The following EVA1A variants were observed in gnomAD, a reference collection of about 807,000 sequenced individuals.
The protein encoded by EVA1A is protein eva-1 homolog A.
EVA1A carries 7 observed loss-of-function variants against 9.8 expected under a neutral mutation model. The ratio of observed to expected loss-of-function variants is 0.71; its 90% CI spans 0.41 to 1.34. The LOEUF (loss-of-function observed/expected upper bound fraction) is 1.34, where lower values mean the gene tolerates loss of function less well. Among genes scored for constraint, EVA1A ranks in the 40% most tolerant of loss-of-function variants. The pLI is 0.01. For synonymous variants in EVA1A, 90 were observed against 85.6 expected (o/e 1.05, Z -0.28); for missense variants, 206 against 205.9 (o/e 1.00, Z 0.00).
chr2:75,539,529 A>G (rs1676036450), intron 1 of EVA1A, among the ~76,000 whole-genome samples: 1 of 152,190 alleles, frequency 6.6e-6, no homozygotes, highest in African/African-American at 2.4e-5. Context: ...AGAAATAGAC[A>G]CTGCTTCAGT....
At chr2:75,513,785 G>C (rs1003076140) in intron 3 of EVA1A, among the ~76,000 whole-genome samples, 6 of 152,200 alleles carry the variant, frequency 3.9e-5, no homozygotes, top group African/African-American at 1.2e-4. Context: ...AAGCCAGACA[G>C]AGAAAGAAAA....
At chr2:75,559,714 A>AGGGGGGGGGGGGGGGGGGGGGGGGGT (rs1676852769) in intron 1 of EVA1A, among the ~76,000 whole-genome samples, 1 of 37,150 alleles carries the variant, frequency 2.7e-5, no homozygotes, top group Non-Finnish European at 5.2e-5. Flanking sequence ...GGGGCGGGGG[A>AGGGGGGGGGGGGGGGGGGGGGGGGGT]GTTGGGGGGA....
chr2:75,550,850 A>G lies in EVA1A; in HGVS notation c.-192+9830T>C, dbSNP rs187760802. On this transcript the variant is annotated intron_variant, in intron 1 of 3. Transcript: ENST00000393913. Reference sequence around the variant, plus strand: ...TATAATATGTGCTGGTCGGGCAGGCACGGTGGCTCACGCCTGTAATCCCAG... The same window carrying G: ...TATAATATGTGCTGGTCGGGCAGGCGCGGTGGCTCACGCCTGTAATCCCAG... Among the ~76,000 whole-genome samples the G allele has an allele frequency of 2.0e-3, 310 of 152,308 alleles. 2 individuals are homozygous for G. The highest frequency in any genetic ancestry group is 6.9e-3 in the African/African-American group (288 of 41,564).
intron 1 of EVA1A, among the ~76,000 whole-genome samples, chr2:75,526,964 A>T (rs952748460): frequency 7.2e-5 from 11 of 152,188 alleles, no homozygotes; most frequent in African/African-American, 2.4e-4. Flanking sequence ...GTAAAGGATA[A>T]TGCACACTAA....
chr2:75,548,570 T>C (rs1304463065), intron 1 of EVA1A, among the ~76,000 whole-genome samples: 1 of 152,190 alleles, frequency 6.6e-6, no homozygotes, highest in Non-Finnish European at 1.5e-5. Flanking sequence ...TTCTTTAAGA[T>C]TATGTTTAAA....
At chr2:75,533,707 C>T (rs1257083373) in intron 1 of EVA1A, among the ~76,000 whole-genome samples, 3 of 151,952 alleles carry the variant, frequency 2.0e-5, no homozygotes, top group Non-Finnish European at 4.4e-5. Context: ...GAGGTGGAGG[C>T]AGGAGGGTCA....
Position 75,493,599 on chromosome 2 carries a change from C to G in EVA1A, c.96G>C (p.Glu32Asp). The G allele has an allele frequency of 6.3e-7, 1 of 1,588,906 alleles. No individual in the cohort carries two copies. The highest frequency in any genetic ancestry group is 8.6e-7 in the Non-Finnish European group (1 of 1,165,706). The change falls in exon 4 of 4, where the codon GAG becomes GAC. Residue 32 changes from glutamate to aspartate, a missense_variant. Glu to Asp is a conservative substitution (Grantham distance 45). Coordinates refer to ENST00000393913, the MANE Select transcript of EVA1A (RefSeq NM_001135032.2). ...AAYSFVSENP[E>D]RAALYFVSGV... is the part of the protein sequence containing the mutation. ...CAGAAACAAAGTACAGAGCTGCTCGCTCAGGATTTTCTGGAGGAAGAAGAG... is the reference window on the plus strand; with the variant it reads ...CAGAAACAAAGTACAGAGCTGCTCGGTCAGGATTTTCTGGAGGAAGAAGAG...
chr2:75,534,282 T>C (rs1675795281), intron 1 of EVA1A, among the ~76,000 whole-genome samples: 1 of 151,944 alleles, frequency 6.6e-6, no homozygotes, highest in African/African-American at 2.4e-5. Context: ...TTAATGTATG[T>C]AAAGGAAATA....
chr2:75,527,373 G>A (rs2103878773), intron 1 of EVA1A, among the ~76,000 whole-genome samples: 1 of 152,246 alleles, frequency 6.6e-6, no homozygotes, highest in Non-Finnish European at 1.5e-5. Context: ...GGACTACATG[G>A]GAAGCCTGGA....
chr2:75,492,575 C>G lies in EVA1A; in HGVS notation c.*661G>C, dbSNP rs1240663153. On this transcript the variant is annotated 3_prime_UTR_variant, in exon 4 of 4. Coordinates refer to ENST00000393913, the MANE Select transcript of EVA1A (RefSeq NM_001135032.2). Reference sequence around the variant, plus strand: ...TTTATAAACTATTTAAAATAAAAACCCTTCATCCTTTGAGGTTATTGACAT... The same window carrying G: ...TTTATAAACTATTTAAAATAAAAACGCTTCATCCTTTGAGGTTATTGACAT... The G allele has an allele frequency of 6.6e-6, 1 of 152,140 alleles. No homozygotes were observed. Among genetic ancestry groups the G allele is most frequent in the African/African-American group, 2.4e-5 (1 of 41,282 alleles). 9.4% of individuals were successfully genotyped at this position (152,140 alleles called of 1,614,324 possible).
intron 1 of EVA1A, among the ~76,000 whole-genome samples, chr2:75,550,502 G>C (rs780603022): frequency 2.6e-5 from 4 of 152,180 alleles, no homozygotes; most frequent in Non-Finnish European, 5.9e-5. Flanking sequence ...GCCTGAAGTG[G>C]AGCTTCAGTA....
chr2:75,512,062 T>C (rs1413575222), intron 3 of EVA1A, among the ~76,000 whole-genome samples: 1 of 152,076 alleles, frequency 6.6e-6, no homozygotes, highest in Admixed American at 6.6e-5. Flanking sequence ...GCTACACATA[T>C]TTATGGGGTA....
intron 1 of EVA1A, among the ~76,000 whole-genome samples, chr2:75,543,607 G>T (rs1421648486): frequency 2.0e-5 from 3 of 152,174 alleles, no homozygotes; most frequent in Non-Finnish European, 4.4e-5. Context: ...GGGGAGAGAA[G>T]TTCTGGGTGG....
At chr2:75,506,645 T>C (rs2103805920) in intron 3 of EVA1A, among the ~76,000 whole-genome samples, 1 of 152,304 alleles carries the variant, frequency 6.6e-6, no homozygotes, top group South Asian at 2.1e-4. Context: ...AAAAGCAGAA[T>C]ATCCATGATA....
intron 1 of EVA1A, among the ~76,000 whole-genome samples, chr2:75,568,602 CT>C: frequency 1.3e-5 from 2 of 152,184 alleles, no homozygotes; most frequent in Middle Eastern, 6.8e-3. Context: ...TCTTTTCTCC[CT>C]CACCTCCCTT....
intron 3 of EVA1A, among the ~76,000 whole-genome samples, chr2:75,511,612 A>G (rs1674813861): frequency 2.0e-5 from 3 of 152,188 alleles, no homozygotes; most frequent in Admixed American, 1.3e-4. Context: ...ATCTGCATAA[A>G]GAACTCTGGA....
chr2:75,513,130 CAG>C (rs1216705192), intron 3 of EVA1A, among the ~76,000 whole-genome samples: 2 of 152,122 alleles, frequency 1.3e-5, no homozygotes, highest in African/African-American at 4.8e-5. Context: ...TTGAGAATCA[CAG>C]AGATATTGGC....
chr2:75,530,199 G>A (rs973449530), intron 1 of EVA1A, among the ~76,000 whole-genome samples: 1 of 151,732 alleles, frequency 6.6e-6, no homozygotes, highest in Non-Finnish European at 1.5e-5. Context: ...GATTAAACCA[G>A]GAAGAAACAG....
chr2:75,563,750 C>T (rs1182984538), upstream of EVA1A, among the ~76,000 whole-genome samples: 1 of 152,240 alleles, frequency 6.6e-6, no homozygotes, highest in Non-Finnish European at 1.5e-5. Flanking sequence ...AGAATCTTCA[C>T]TTCAAGTCCC....
Sources: allele counts gnomAD v4.1 joint callset (sites outside exome capture counted in the v4.1 genomes callset), GRCh38; gene constraint gnomAD v4.1.1; transcripts MANE v1.5; gene names NCBI Gene and HGNC (gene_info 2026-07-23, HGNC 2026-07-21).